Variants in PLS3 observed in about 807,000 individuals in gnomAD.
PLS3 encodes plastin-3.
PLS3 carries 11 observed loss-of-function variants against 46.5 expected under a neutral mutation model. That is an observed-to-expected ratio of 0.24 (90% CI 0.15 to 0.39). PLS3 has a LOEUF of 0.39. Ranked by LOEUF, PLS3 falls within the 10% of genes least tolerant of loss-of-function variation. The pLI is 1.00. For missense variants in PLS3, 308 were observed against 461.8 expected (o/e 0.67, Z 3.05); for synonymous variants, 167 against 162.2 (o/e 1.03, Z -0.22).
chrX:115,634,789 C>G, intron 6 of PLS3, 92 bp from the exon 7 acceptor site: 1 of 809,644 alleles, frequency 1.2e-6, no homozygotes, highest in East Asian at 3.2e-5. Flanking sequence ...TATTAATTTC[C>G]TCATTGAATG....
At chrX:115,633,174 T>C (rs1556639666) in intron 5 of PLS3, among the ~76,000 whole-genome samples, 1 of 100,749 alleles carries the variant, frequency 9.9e-6, no homozygotes, top group African/African-American at 3.4e-5. Flanking sequence ...TTGGTCTTTT[T>C]GGGTTTTTTT....
chrX:115,579,417 C>T (rs1282298382), intron 1 of PLS3, among the ~76,000 whole-genome samples: 3 of 111,560 alleles, frequency 2.7e-5, no homozygotes, highest in Admixed American at 9.5e-5. Flanking sequence ...GGATTAATGC[C>T]GGAAGAGTGC....
At chrX:115,572,050 G>A (rs2074219735) in intron 1 of PLS3, among the ~76,000 whole-genome samples, 1 of 112,145 alleles carries the variant, frequency 8.9e-6, no homozygotes, top group South Asian at 3.7e-4. Flanking sequence ...TAATTAAAAA[G>A]CAAATAGAGC....
chrX:115,593,948 CAAGTT>C (rs1556633465), intron 1 of PLS3, among the ~76,000 whole-genome samples: 1 of 109,100 alleles, frequency 9.2e-6, no homozygotes, highest in African/African-American at 3.3e-5. Flanking sequence ...CCGTATTTAT[CAAGTT>C]AAGTATCTAA....
intron 2 of PLS3, chrX:115,610,836 C>T: frequency 9.3e-7 from 1 of 1,080,299 alleles, no homozygotes; most frequent in Non-Finnish European, 1.2e-6. Context: ...ATTATAGCTT[C>T]AGTATAAGAT....
intron 14 of PLS3, 102 bp from the exon 15 acceptor site, chrX:115,647,788 ATTC>A (rs2074967562): frequency 8.8e-7 from 1 of 1,140,259 alleles, no homozygotes; most frequent in African/African-American, 1.8e-5. Context: ...TAATGGCACA[ATTC>A]TTTACGAATT....
chrX:115,635,439 C>T (rs782790302), intron 7 of PLS3, among the ~76,000 whole-genome samples: 3 of 109,130 alleles, frequency 2.7e-5, no homozygotes, highest in Admixed American at 2.0e-4. Context: ...CAGGCTGGAG[C>T]GCAGTGGCAC....
At position 115,615,667 on chromosome X, in the gene PLS3, A is replaced by T. The variant is rs187538066; in HGVS notation, c.73+5344A>T. ...TTAAGTATCATAATTTTCTTCTTTT[A>T]AAAAAAAACGCTTTGTCAATTTACT... On this transcript the variant is annotated intron_variant, in intron 2 of 15. Coordinates refer to ENST00000355899, the MANE Select transcript of PLS3 (RefSeq NM_005032.7). Among the ~76,000 whole-genome samples, 7 of 108,752 alleles carry T rather than the reference A, an allele frequency of 6.4e-5. No individual in the cohort carries two copies. The East Asian group carries it at 1.2e-3, about 18-fold the overall frequency. 94.4% of individuals were successfully genotyped at this position (108,752 alleles called of 115,157 possible). A position where few individuals can be genotyped will look rare whatever the true frequency, so the allele number is the denominator to read the frequency against.
At chrX:115,600,899 T>C (rs782254360) in intron 1 of PLS3, among the ~76,000 whole-genome samples, 2 of 109,264 alleles carry the variant, frequency 1.8e-5, no homozygotes, top group East Asian at 5.8e-4. Context: ...AGAGGAAAAA[T>C]AGAGGAGAGT....
intron 1 of PLS3, among the ~76,000 whole-genome samples, chrX:115,568,956 A>C (rs2074195065): frequency 9.1e-6 from 1 of 109,686 alleles, no homozygotes. Context: ...GAATCGCTTG[A>C]ACCCAGGAGG....
chrX:115,650,622 A>T lies in PLS3; in HGVS notation c.*1061A>T, dbSNP rs1242422529. 1 of 112,515 alleles carries T rather than the reference A, an allele frequency of 8.9e-6. No individual in the cohort carries two copies. The highest frequency in any genetic ancestry group is 1.9e-5 in the Non-Finnish European group (1 of 53,267). The allele number at this position is 112,515 out of a possible 1,213,427, so 9.3% of individuals were successfully genotyped here. ...TATGTTACTCTAACTCTGAAAAGTG[A>T]TGTAATCTGGTAGCAATGTAGTAGT... On this transcript the variant is annotated 3_prime_UTR_variant, in exon 16 of 16. Coordinates refer to ENST00000355899, the MANE Select transcript of PLS3 (RefSeq NM_005032.7).
intron 1 of PLS3, among the ~76,000 whole-genome samples, chrX:115,568,113 CTTG>C (rs1202193822): frequency 8.1e-5 from 9 of 111,027 alleles, no homozygotes; most frequent in African/African-American, 2.0e-4. Context: ...TTTGCCATTT[CTTG>C]TTGTTCATTT....
At chrX:115,568,951 G>T (rs908813244) in intron 1 of PLS3, among the ~76,000 whole-genome samples, 39 of 108,052 alleles carry the variant, frequency 3.6e-4, no homozygotes, top group Non-Finnish European at 6.8e-4. Flanking sequence ...CAGGAGAATC[G>T]CTTGAACCCA....
intron 6 of PLS3, among the ~76,000 whole-genome samples, chrX:115,634,345 T>G (rs1289724048): frequency 8.9e-6 from 1 of 112,231 alleles, no homozygotes. Context: ...GTTCAAGCAC[T>G]ACAGAGATAA....
At chrX:115,614,006 C>G (rs2074571635) in intron 2 of PLS3, 1 of 111,469 alleles carries the variant, frequency 9.0e-6, no homozygotes, top group South Asian at 3.7e-4. Context: ...GAGTCTCGCT[C>G]TGTCACCCAG....
At chrX:115,564,809 T>C (rs2074162480) in intron 1 of PLS3, among the ~76,000 whole-genome samples, 1 of 112,125 alleles carries the variant, frequency 8.9e-6, no homozygotes, top group East Asian at 2.8e-4. Context: ...AAAATAAAAT[T>C]TGAAAATGAA....
intron 1 of PLS3, among the ~76,000 whole-genome samples, chrX:115,606,160 C>CTTTTCTT (rs2074490459): frequency 2.7e-5 from 1 of 37,580 alleles, no homozygotes; most frequent in Non-Finnish European, 4.9e-5. Context: ...TTTTTCTTTT[C>CTTTTCTT]TTTTCTTTTT....
intron 14 of PLS3, 99 bp from the exon 15 acceptor site, chrX:115,647,794 T>C: frequency 8.7e-7 from 1 of 1,143,934 alleles, no homozygotes; most frequent in Non-Finnish European, 1.2e-6. Flanking sequence ...CACAATTCTT[T>C]ACGAATTCAC....
At chrX:115,589,668 G>T (rs1025009041) in intron 1 of PLS3, among the ~76,000 whole-genome samples, 2 of 112,341 alleles carry the variant, frequency 1.8e-5, no homozygotes, top group Non-Finnish European at 3.8e-5. Context: ...AGTATACCTA[G>T]TACTGGGTGT....
Sources: allele counts gnomAD v4.1 joint callset (sites outside exome capture counted in the v4.1 genomes callset), GRCh38; gene constraint gnomAD v4.1.1; transcripts MANE v1.5; gene names NCBI Gene and HGNC (gene_info 2026-07-23, HGNC 2026-07-21).